Variants in PMF1 observed in about 807,000 individuals in gnomAD.
PMF1 encodes the protein polyamine-modulated factor 1.
A neutral mutation model predicts 26.7 loss-of-function variants in PMF1; 21 were observed. The observed-to-expected ratio is 0.79, with a 90% CI of 0.56 to 1.13. The LOEUF (loss-of-function observed/expected upper bound fraction) is 1.13. Ranked by LOEUF, PMF1 falls within the 50% of genes most tolerant of loss-of-function variation. PMF1 has a pLI of 0.00. For synonymous variants in PMF1, 105 were observed against 101.0 expected, an observed-to-expected ratio of 1.04 and a Z score of -0.24; for missense variants, 266 against 254.9, an observed-to-expected ratio of 1.04 and a Z score of -0.30.
Position 156,239,717 on chromosome 1 carries a change from C to A in PMF1, c.*116C>A. On this transcript the variant is annotated 3_prime_UTR_variant, in exon 5 of 5. Coordinates refer to ENST00000368277, the MANE Select transcript of PMF1 (RefSeq NM_007221.4). The stretch of plus-strand genomic sequence containing the variant: ...GCTGAAATGGTGCCCAGTCCATCAG[C>A]AGTGATGGAATTTGCTGGAGGACTA... 1.2e-6 allele frequency: 1 copy of A among 820,898 alleles called. No individual in the cohort carries two copies. The highest frequency in any genetic ancestry group is 2.1e-6 in the Non-Finnish European group (1 of 486,922). 50.9% of individuals were successfully genotyped at this position (820,898 alleles called of 1,614,324 possible).
chr1:156,237,999 C>T (rs1384634140), intron 4 of PMF1, among the ~76,000 whole-genome samples: 2 of 152,170 alleles, frequency 1.3e-5, no homozygotes, highest in African/African-American at 2.4e-5. Flanking sequence ...AACTCCTGGC[C>T]CCAGGTGATC....
chr1:156,236,613 C>A, intron 4 of PMF1, 130 bp downstream of exon 4: 1 of 1,244,630 alleles, frequency 8.0e-7, no homozygotes, highest in Non-Finnish European at 1.1e-6. Flanking sequence ...CCCTGGGGAA[C>A]AGTCATGAAT....
At chr1:156,229,857 G>C (rs1018463431) in intron 1 of PMF1, among the ~76,000 whole-genome samples, 1 of 152,204 alleles carries the variant, frequency 6.6e-6, no homozygotes, top group Non-Finnish European at 1.5e-5. Context: ...ACAGGCATGA[G>C]CCACTGCGCC....
intron 3 of PMF1, 49 bp from the exon 4 acceptor site, chr1:156,236,239 C>T (rs758503149): frequency 4.5e-6 from 7 of 1,565,374 alleles, no homozygotes; most frequent in Non-Finnish European, 6.1e-6. Flanking sequence ...CCTTCTTCCA[C>T]AAGGGCCTTC....
intron 1 of PMF1, among the ~76,000 whole-genome samples, chr1:156,225,100 A>C (rs1442517981): frequency 6.6e-6 from 1 of 151,954 alleles, no homozygotes; most frequent in Non-Finnish European, 1.5e-5. Flanking sequence ...AGGTTTTGCC[A>C]TATTGGCCAG....
intron 1 of PMF1, among the ~76,000 whole-genome samples, chr1:156,226,061 G>T (rs1034627877): frequency 6.6e-6 from 1 of 152,108 alleles, no homozygotes; most frequent in African/African-American, 2.4e-5. Context: ...CACCATGTTG[G>T]CCAGGCTGGT....
At chr1:156,235,558 C>T (rs1658963549) in intron 3 of PMF1, among the ~76,000 whole-genome samples, 1 of 148,930 alleles carries the variant, frequency 6.7e-6, no homozygotes, top group South Asian at 2.1e-4. Flanking sequence ...TCTCCTGCCT[C>T]AGCCTCCCAA....
At position 156,214,884 on chromosome 1, in the gene PMF1, A is replaced by ATT. The variant is rs1307641968; in HGVS notation, c.161+1719_161+1720dup. ...GATTATTATTATTATTATTATTATT[A>ATT]TTTTTTTTTTTTAGGCAGTGTCTAG... On this transcript the variant is annotated intron_variant, in intron 1 of 4. Transcript: ENST00000368277. Among the ~76,000 whole-genome samples, 782 of 138,202 alleles carry ATT rather than the reference A, an allele frequency of 5.7e-3. 23 individuals carry two copies. The highest frequency in any genetic ancestry group is 0.021 in the East Asian group (103 of 4,842). 90.7% of individuals were successfully genotyped at this position (138,202 alleles called of 152,430 possible). A position where few individuals can be genotyped will look rare whatever the true frequency, so the allele number is the denominator to read the frequency against.
chr1:156,222,084 C>T (rs1410306845), intron 1 of PMF1, among the ~76,000 whole-genome samples: 1 of 152,186 alleles, frequency 6.6e-6, no homozygotes, highest in Non-Finnish European at 1.5e-5. Flanking sequence ...GGGTTGCTTC[C>T]AGAATGAATG....
At chr1:156,223,190 G>C (rs1428086925) in intron 1 of PMF1, among the ~76,000 whole-genome samples, 1 of 152,146 alleles carries the variant, frequency 6.6e-6, no homozygotes, top group Admixed American at 6.5e-5. Context: ...CTTTCCCTCC[G>C]TATGTTTCCA....
intron 1 of PMF1, among the ~76,000 whole-genome samples, chr1:156,224,999 A>C (rs1658278877): frequency 6.6e-6 from 1 of 151,654 alleles, no homozygotes; most frequent in East Asian, 2.0e-4. Context: ...TCCCGGGTTA[A>C]AGCGATTCTC....
At chr1:156,231,087 G>A (rs1658672329) in intron 1 of PMF1, among the ~76,000 whole-genome samples, 1 of 151,672 alleles carries the variant, frequency 6.6e-6, no homozygotes, top group Non-Finnish European at 1.5e-5. Context: ...CGTGGTGGTG[G>A]GCACCTGTAA....
Position 156,232,348 on chromosome 1 carries a change from T to G in PMF1, c.190T>G (p.Cys64Gly). Residue 64 changes from cysteine (C) to glycine (G), a missense_variant, in exon 2 of 5, where the codon TGC (cysteine) becomes GGC (glycine). Cys to Gly is a radical substitution (Grantham distance 159, BLOSUM62 -3). Coordinates refer to ENST00000368277, the MANE Select transcript of PMF1 (RefSeq NM_007221.4). Reference sequence around the variant, plus strand: ...CCAGAGATTCACTGACTGCTATAAGTGCTTCTACCAGTTGCAGCCTGCGAT... The same window carrying G: ...CCAGAGATTCACTGACTGCTATAAGGGCTTCTACCAGTTGCAGCCTGCGAT... Reference protein sequence around the residue: ...SYQRFTDCYKCFYQLQPAMTQ... With the variant: ...SYQRFTDCYKGFYQLQPAMTQ... The G allele has an allele frequency of 1.2e-6, 2 of 1,614,122 alleles. No homozygotes were observed. Among genetic ancestry groups the G allele is most frequent in the Non-Finnish European group, 8.5e-7 (1 of 1,179,970 alleles).
Position 156,213,033 on chromosome 1 carries a change from C to T in PMF1, c.18C>T (p.Ser6=), listed in dbSNP as rs1156568371. The T allele has an allele frequency of 6.2e-7, 1 of 1,614,206 alleles. No homozygotes were observed. The highest frequency in any genetic ancestry group is 8.5e-7 in the Non-Finnish European group (1 of 1,180,010). MAEAS[S]ANLGSGCEEK... ...ACTTCAACATGGCCGAAGCAAGTAG[C>T]GCCAATCTAGGCAGCGGCTGTGAGG... Residue 6 remains serine, a synonymous_variant, in exon 1 of 5, where the codon AGC becomes AGT. Transcript: ENST00000368277.
At chr1:156,228,080 A>G (rs1437936863) in intron 1 of PMF1, among the ~76,000 whole-genome samples, 1 of 151,604 alleles carries the variant, frequency 6.6e-6, no homozygotes, top group Non-Finnish European at 1.5e-5. Flanking sequence ...GATTACAGAC[A>G]TGCGCTACCA....
chr1:156,238,456 T>C (rs2103139668), intron 4 of PMF1, among the ~76,000 whole-genome samples: 1 of 152,344 alleles, frequency 6.6e-6, no homozygotes, highest in Non-Finnish European at 1.5e-5. Context: ...CAGTAGCAGC[T>C]TGGCTGCACC....
chr1:156,213,314 C>A, intron 1 of PMF1, 138 bp downstream of exon 1: 1 of 1,312,196 alleles, frequency 7.6e-7, no homozygotes, highest in Non-Finnish European at 1.0e-6. Flanking sequence ...GCGACCCAGT[C>A]AAATCCTGAG....
chr1:156,218,342 C>A (rs987617831), intron 1 of PMF1, among the ~76,000 whole-genome samples: 3 of 152,158 alleles, frequency 2.0e-5, no homozygotes, highest in Non-Finnish European at 4.4e-5. Context: ...TAAAAAGCAG[C>A]ACACATTTCA....
chr1:156,234,069 C>G (rs1366457484), intron 3 of PMF1, among the ~76,000 whole-genome samples: 1 of 152,026 alleles, frequency 6.6e-6, no homozygotes, highest in Non-Finnish European at 1.5e-5. Context: ...ATAGTGAGAC[C>G]CTGTCTCTAA....
Sources: gnomAD v4.1 joint callset for allele counts (sites outside exome capture counted in the v4.1 genomes callset) on GRCh38, gnomAD v4.1.1 for gene constraint, MANE v1.5 for transcripts, NCBI Gene and HGNC (gene_info 2026-07-23, HGNC 2026-07-21) for gene names.